The following CP variants were observed in gnomAD, a reference collection of about 807,000 sequenced individuals.
The protein encoded by CP is ceruloplasmin.
CP carries 64 observed loss-of-function variants against 122.4 expected under a neutral mutation model. That is an observed-to-expected ratio of 0.52 (90% CI 0.43 to 0.64). CP has a LOEUF of 0.64. Ranked by LOEUF, CP falls within the 30% of genes least tolerant of loss-of-function variation. CP has a pLI of 0.00. For synonymous variants in CP, 440 were observed against 436.4 expected, an observed-to-expected ratio of 1.01 and a Z score of -0.10; for missense variants, 1,167 against 1,284.4, an observed-to-expected ratio of 0.91 and a Z score of 1.40.
At chr3:149,210,838 C>T (rs1728056405) in intron 2 of CP, among the ~76,000 whole-genome samples, 1 of 152,190 alleles carries the variant, frequency 6.6e-6, no homozygotes, top group South Asian at 2.1e-4. Context: ...ATCAAACCAG[C>T]TTTAACAATG....
intron 7 of CP, 55 bp from the exon 8 acceptor site, chr3:149,199,919 A>G: frequency 2.6e-6 from 4 of 1,554,510 alleles, no homozygotes; most frequent in Non-Finnish European, 2.7e-6. Context: ...TGCAGAATGT[A>G]TAAGATAGTT....
intron 4 of CP, among the ~76,000 whole-genome samples, chr3:149,166,586 A>T (rs927640416): frequency 6.6e-6 from 1 of 152,176 alleles, no homozygotes; most frequent in African/African-American, 2.4e-5. Flanking sequence ...ATGGCTGTGT[A>T]ATGTTCCATT....
rs569060251 is a variant in CP, at chr3:149,199,260, G to A, written c.1501+452C>T. 4.6e-5 allele frequency among the ~76,000 whole-genome samples: 7 copies of A among 151,982 alleles called. No individual in the cohort carries two copies. The South Asian group carries it at 6.2e-4, about 14-fold the overall frequency. ...ACATTTATTTGCTATGATCTCAACC[G>A]TATTTAAAATATATATTATATGTAT... On this transcript the variant is annotated intron_variant, in intron 8 of 18. Coordinates refer to ENST00000264613, the MANE Select transcript of CP (RefSeq NM_000096.4).
Position 149,200,850 on chromosome 3 carries a change from A to G in CP, c.1349-986T>C, listed in dbSNP as rs375885880. Among the ~76,000 whole-genome samples, 94 of 152,132 alleles carry G rather than the reference A, an allele frequency of 6.2e-4. 1 individual carries two copies. Among genetic ancestry groups the G allele is most frequent in the African/African-American group, 2.2e-3 (93 of 41,514 alleles). On this transcript the variant is annotated intron_variant, in intron 7 of 18. Transcript: ENST00000264613. ...CAAAGGTCACACAGCTAATGTATGC[A>G]CTGTGTACTCACAAAAAAACAGCTT...
chr3:149,162,605 G>A (rs1723984573), exon 6 of CP: 6 of 1,378,992 alleles, frequency 4.4e-6, no homozygotes, highest in Admixed American at 1.7e-5. Context: ...CGTGGCCCAT[G>A]TGATGCTGTG....
intron 1 of CP, among the ~76,000 whole-genome samples, chr3:149,220,465 A>C (rs1046592303): frequency 2.3e-5 from 3 of 128,156 alleles, no homozygotes; most frequent in African/African-American, 9.0e-5. Context: ...ATTCCTTAGA[A>C]GATAATACCA....
In CP at chr3:149,182,023, C is replaced by A. The variant is rs1321940071; in HGVS notation, c.2536G>T (p.Val846Phe). Residue 846 changes from valine (V) to phenylalanine (F), a missense_variant, in exon 14 of 19, where the codon GTT becomes TTT. This residue lies in a region of CP where 525 missense variants were observed against 657.2 expected (regional missense o/e 0.80). Transcript: ENST00000264613. ...AHGVQTESSTVTPTLPGETLT... is the reference protein window; with the variant it reads ...AHGVQTESSTFTPTLPGETLT... Reference sequence around the variant, plus strand: ...TGAGTACCTGGTAATGTTGGAGTAACTGTAGAACTCTCTGTTTGTACCCCA... The same window carrying A: ...TGAGTACCTGGTAATGTTGGAGTAAATGTAGAACTCTCTGTTTGTACCCCA... 1 of 1,370,786 alleles carries A rather than the reference C, an allele frequency of 7.3e-7. No homozygotes were observed. The highest frequency in any genetic ancestry group is 2.6e-4 in the Middle Eastern group (1 of 3,826). The allele number at this position is 1,370,786 out of a possible 1,614,324, so 84.9% of individuals were successfully genotyped here.
chr3:149,210,958 C>A (rs1041966742), intron 2 of CP, among the ~76,000 whole-genome samples: 3 of 152,150 alleles, frequency 2.0e-5, no homozygotes, highest in Non-Finnish European at 4.4e-5. Context: ...TTCATAAATA[C>A]TTGAGTATGT....
intron 15 of CP, 73 bp downstream of exon 15, chr3:149,179,483 A>G: frequency 2.6e-6 from 3 of 1,168,308 alleles, no homozygotes; most frequent in Non-Finnish European, 3.8e-6. Context: ...CCACAGGAAA[A>G]CACTAACCTT....
At chr3:149,191,883 C>T (rs975862822) in intron 9 of CP, among the ~76,000 whole-genome samples, 2 of 151,880 alleles carry the variant, frequency 1.3e-5, no homozygotes, top group African/African-American at 4.8e-5. Flanking sequence ...ATGAAAAAGA[C>T]TATAAGAATT....
At chr3:149,219,348 G>C (rs1056670457) in intron 1 of CP, among the ~76,000 whole-genome samples, 3 of 152,202 alleles carry the variant, frequency 2.0e-5, no homozygotes, top group East Asian at 1.9e-4. Context: ...TGGTTTGGCT[G>C]TGTCCCCACC....
chr3:149,197,361 G>A (rs1459910550), intron 9 of CP, among the ~76,000 whole-genome samples: 1 of 152,118 alleles, frequency 6.6e-6, no homozygotes, highest in Non-Finnish European at 1.5e-5. Context: ...AAGAAAGGAA[G>A]ATGGAATTAG....
intron 1 of CP, among the ~76,000 whole-genome samples, chr3:149,216,391 C>T (rs757780039): frequency 1.3e-5 from 2 of 152,142 alleles, no homozygotes; most frequent in South Asian, 2.1e-4. Context: ...GGCTATGGGC[C>T]GAGAGCCTCT....
At position 149,177,910 on chromosome 3, in the gene CP, T is replaced by C. The variant is rs755316191; in HGVS notation, c.2948A>G (p.Tyr983Cys). Residue 983 changes from tyrosine (Y) to cysteine (C), a missense_variant, in exon 17 of 19, where the codon TAT becomes TGT. This residue lies in a region of CP where 525 missense variants were observed against 657.2 expected (regional missense o/e 0.80). Coordinates refer to ENST00000264613, the MANE Select transcript of CP (RefSeq NM_000096.4). ...TATTTCATTGCCCATTCCCATCAGA[T>C]ACCAGTTGACTTCATCTCCCACGTG... Reference protein sequence around the residue: ...TMHVGDEVNWYLMGMGNEIDL... With the variant: ...TMHVGDEVNWCLMGMGNEIDL... The C allele has an allele frequency of 1.2e-6, 2 of 1,613,586 alleles. No homozygotes were observed. The highest frequency in any genetic ancestry group is 1.7e-6 in the Non-Finnish European group (2 of 1,179,608).
intron 5 of CP, 64 bp downstream of exon 5, chr3:149,207,299 A>T: frequency 6.2e-7 from 1 of 1,603,184 alleles, no homozygotes; most frequent in Non-Finnish European, 8.5e-7. Context: ...TTTAGCTTTT[A>T]GATTCTGATT....
intron 1 of CP, among the ~76,000 whole-genome samples, chr3:149,220,497 G>T (rs935404818): frequency 7.1e-6 from 1 of 141,278 alleles, no homozygotes; most frequent in Non-Finnish European, 1.6e-5. Flanking sequence ...GGTTAAAAAA[G>T]AAATAATTAC....
downstream of CP, among the ~76,000 whole-genome samples, chr3:149,169,396 T>A (rs538612402): frequency 6.6e-6 from 1 of 152,268 alleles, no homozygotes; most frequent in Non-Finnish European, 1.5e-5. Flanking sequence ...AAATGAGAAG[T>A]TCAGGACTGA....
intron 8 of CP, among the ~76,000 whole-genome samples, 171 bp downstream of exon 8, chr3:149,199,541 C>G (rs1727154758): frequency 6.6e-6 from 1 of 151,984 alleles, no homozygotes; most frequent in Non-Finnish European, 1.5e-5. Context: ...TTCCGTAAAC[C>G]AATTGGAGGT....
Position 149,212,523 on chromosome 3 carries a change from G to GA in CP, c.321_322insT (p.His108SerfsTer8). 6.2e-7 allele frequency: 1 copy of GA among 1,613,870 alleles called. No homozygotes were observed. The highest frequency in any genetic ancestry group is 1.1e-5 in the South Asian group (1 of 91,076). On this transcript the variant is annotated frameshift_variant, in exon 2 of 19. Coordinates refer to ENST00000264613, the MANE Select transcript of CP (RefSeq NM_000096.4). LOFTEE classifies it high-confidence loss of function. ...GGCCTAGAGGCAAGGTTTTTTAAGT[G>GA]TACATAAACTTTATCTCCAGTTTCA...
Sources: gnomAD v4.1 joint callset for allele counts (sites outside exome capture counted in the v4.1 genomes callset) on GRCh38, gnomAD v4.1.1 for gene constraint, gnomAD v4.1.1 regional missense constraint, MANE v1.5 for transcripts, NCBI Gene and HGNC (gene_info 2026-07-23, HGNC 2026-07-21) for gene names.